SKAP2: variants seen among roughly 807,000 people sequenced by gnomAD.
SKAP2 encodes src kinase associated phosphoprotein 2, also known as src kinase-associated phosphoprotein 2.
A neutral mutation model predicts 54.9 loss-of-function variants in SKAP2; 28 were observed. That is an observed-to-expected ratio of 0.51 (90% CI 0.38 to 0.70). The LOEUF (loss-of-function observed/expected upper bound fraction) is 0.70, where lower values mean the gene tolerates loss of function less well. SKAP2 is among the 30% of genes least tolerant of loss of function. SKAP2 has a pLI of 0.00. For synonymous variants in SKAP2, 137 were observed against 134.3 expected, an observed-to-expected ratio of 1.02 and a Z score of -0.14; for missense variants, 356 against 424.1, an observed-to-expected ratio of 0.84 and a Z score of 1.41.
intron 9 of SKAP2, among the ~76,000 whole-genome samples, chr7:26,707,778 G>A (rs1011823359): frequency 9.8e-5 from 15 of 152,304 alleles, no homozygotes; most frequent in East Asian, 7.7e-4. Flanking sequence ...TGTTTTTCCA[G>A]GGCTGGAGGT....
intron 11 of SKAP2, among the ~76,000 whole-genome samples, chr7:26,681,459 A>ACAAT (rs931935306): frequency 3.3e-5 from 5 of 152,182 alleles, no homozygotes; most frequent in African/African-American, 4.8e-5. Context: ...AAACAAACAA[A>ACAAT]CAAAAAACAA....
the SKAP2 span, among the ~76,000 whole-genome samples, chr7:26,655,659 G>A: frequency 2.0e-5 from 3 of 152,108 alleles, no homozygotes; most frequent in East Asian, 3.9e-4. Context: ...CTGTAACACC[G>A]TACACTAGTT....
intron 3 of SKAP2, among the ~76,000 whole-genome samples, chr7:26,853,904 T>C (rs1209640310): frequency 6.6e-6 from 1 of 152,162 alleles, no homozygotes. Flanking sequence ...CCTAAGAATG[T>C]TAAATGCCTA....
chr7:26,657,331 CAA>C, the SKAP2 span, among the ~76,000 whole-genome samples: 1 of 152,150 alleles, frequency 6.6e-6, no homozygotes, highest in African/African-American at 2.4e-5. Flanking sequence ...CATTAACAAC[CAA>C]AGACACTTAA....
chr7:26,733,104 C>T (rs1406428084), intron 6 of SKAP2, among the ~76,000 whole-genome samples: 3 of 150,796 alleles, frequency 2.0e-5, no homozygotes, highest in Non-Finnish European at 4.4e-5. Context: ...GCACTCTGGC[C>T]TGGGCAACAG....
intron 1 of SKAP2, among the ~76,000 whole-genome samples, chr7:26,859,623 G>A (rs1785240751): frequency 2.0e-5 from 3 of 152,280 alleles, no homozygotes; most frequent in South Asian, 2.1e-4. Flanking sequence ...GCTAAATGAT[G>A]TATTTTGATA....
intron 3 of SKAP2, among the ~76,000 whole-genome samples, chr7:26,851,725 A>G (rs2059740593): frequency 6.6e-6 from 1 of 151,892 alleles, no homozygotes; most frequent in African/African-American, 2.4e-5. Context: ...TAATTAAAAA[A>G]AAAAAAAAAA....
chr7:26,803,637 G>A lies in SKAP2; in HGVS notation c.307+40393C>T, dbSNP rs1040729730. Among the ~76,000 whole-genome samples, 7 of 152,130 alleles carry A rather than the reference G, an allele frequency of 4.6e-5. No individual in the cohort carries two copies. In the East Asian group the frequency reaches 1.2e-3, roughly 25 times the overall value. On this transcript the variant is annotated intron_variant, in intron 4 of 12. Coordinates refer to ENST00000345317, the MANE Select transcript of SKAP2 (RefSeq NM_003930.5). ...TGCTGGATATATGCCCAAAAGAAAGGAAATCAGTATACTGAAGAGATATCT... is the reference window on the plus strand; with the variant it reads ...TGCTGGATATATGCCCAAAAGAAAGAAAATCAGTATACTGAAGAGATATCT...
At chr7:26,690,225 A>G (rs559861419) in intron 10 of SKAP2, 60 bp downstream of exon 10, 1 of 1,215,814 alleles carries the variant, frequency 8.2e-7, no homozygotes, top group Non-Finnish European at 1.2e-6. Context: ...AAGAACATGG[A>G]TAAAATGAAA....
chr7:26,862,685 T>A (rs1785294394), intron 1 of SKAP2, among the ~76,000 whole-genome samples: 1 of 152,050 alleles, frequency 6.6e-6, no homozygotes, highest in African/African-American at 2.4e-5. Flanking sequence ...AGGAAATACT[T>A]GTGATCTATG....
At chr7:26,714,824 A>G (rs980069574) in intron 9 of SKAP2, among the ~76,000 whole-genome samples, 4 of 152,200 alleles carry the variant, frequency 2.6e-5, no homozygotes, top group African/African-American at 9.6e-5. Flanking sequence ...TACAAACTTT[A>G]TCATATTCTA....
intron 11 of SKAP2, among the ~76,000 whole-genome samples, chr7:26,671,626 C>T (rs775907599): frequency 6.6e-5 from 10 of 151,902 alleles, no homozygotes; most frequent in African/African-American, 9.7e-5. Flanking sequence ...AAGACCACTC[C>T]TGCTATTGTT....
rs1307517956 is a variant in SKAP2, at chr7:26,769,101, C to A, written c.308-29137G>T. Among the ~76,000 whole-genome samples the A allele has an allele frequency of 1.3e-5, 2 of 152,152 alleles. 1 individual carries two copies. On this transcript the variant is annotated intron_variant, in intron 4 of 12. Coordinates refer to ENST00000345317, the MANE Select transcript of SKAP2 (RefSeq NM_003930.5). Reference sequence around the variant, plus strand: ...GTCACTTTCAGGTACACTAATCAAACGTAGGTTTGGTGTATTCACACAGTC... The same window carrying A: ...GTCACTTTCAGGTACACTAATCAAAAGTAGGTTTGGTGTATTCACACAGTC...
chr7:26,790,693 C>T (rs986672961), intron 4 of SKAP2, among the ~76,000 whole-genome samples: 13 of 151,926 alleles, frequency 8.6e-5, no homozygotes, highest in Non-Finnish European at 8.8e-5. Flanking sequence ...TTAAAGTATC[C>T]GGGATAAAAG....
the SKAP2 span, among the ~76,000 whole-genome samples, chr7:26,658,303 AG>A: frequency 6.6e-6 from 1 of 152,188 alleles, no homozygotes; most frequent in African/African-American, 2.4e-5. Context: ...AAAACACAGC[AG>A]GGGGTGCCAT....
intron 9 of SKAP2, among the ~76,000 whole-genome samples, chr7:26,697,564 G>A (rs1786922655): frequency 6.6e-6 from 1 of 151,928 alleles, no homozygotes; most frequent in Admixed American, 6.6e-5. Flanking sequence ...AATTCTTTTA[G>A]TCCAGGAAAG....
intron 11 of SKAP2, among the ~76,000 whole-genome samples, chr7:26,683,287 T>G (rs1490634591): frequency 6.6e-6 from 1 of 152,206 alleles, no homozygotes; most frequent in Non-Finnish European, 1.5e-5. Flanking sequence ...TCAGGACAAT[T>G]TAATGCTTAA....
At chr7:26,784,863 A>G (rs1226640056) in intron 4 of SKAP2, among the ~76,000 whole-genome samples, 3 of 152,198 alleles carry the variant, frequency 2.0e-5, no homozygotes, top group Non-Finnish European at 4.4e-5. Flanking sequence ...TCTGCAATTT[A>G]CCTTGAAATG....
At chr7:26,770,299 CT>C (rs1180957156) in intron 4 of SKAP2, among the ~76,000 whole-genome samples, 2 of 152,136 alleles carry the variant, frequency 1.3e-5, no homozygotes, top group Non-Finnish European at 2.9e-5. Context: ...GTGGACACCC[CT>C]TCCCCCACCA....
Sources: allele counts gnomAD v4.1 joint callset (sites outside exome capture counted in the v4.1 genomes callset), GRCh38; gene constraint gnomAD v4.1.1; transcripts MANE v1.5; gene names NCBI Gene and HGNC (gene_info 2026-07-23, HGNC 2026-07-21).